PSPC1: variants seen among roughly 807,000 people sequenced by gnomAD.
The protein encoded by PSPC1 is paraspeckle component 1.
PSPC1 carries 14 observed loss-of-function variants against 51.6 expected under a neutral mutation model. The ratio of observed to expected loss-of-function variants is 0.27; its 90% CI spans 0.18 to 0.42. The LOEUF (loss-of-function observed/expected upper bound fraction) is 0.42, where lower values mean the gene tolerates loss of function less well. PSPC1 is among the 10% of genes least tolerant of loss of function. The probability of loss-of-function intolerance (pLI) is 1.00; values close to 1 mark genes in which losing one functional copy is unlikely to be tolerated. For missense variants in PSPC1, 406 were observed against 701.1 expected (o/e 0.58, Z 4.75); for synonymous variants, 193 against 231.9 (o/e 0.83, Z 1.53).
At chr13:19,708,296 G>A (rs561138473) in intron 7 of PSPC1, among the ~76,000 whole-genome samples, 22 of 152,312 alleles carry the variant, frequency 1.4e-4, no homozygotes, top group Admixed American at 4.6e-4. Flanking sequence ...GTAAATGGGT[G>A]TGCATGTTAA....
Position 19,735,806 on chromosome 13 carries a change from A to G in PSPC1, c.1053-5462T>C, listed in dbSNP as rs1170453894. Among the ~76,000 whole-genome samples, 3 of 151,634 alleles carry G rather than the reference A, an allele frequency of 2.0e-5. No individual in the cohort carries two copies. In the East Asian group the frequency reaches 5.8e-4, roughly 29 times the overall value. On this transcript the variant is annotated intron_variant, in intron 5 of 8. Coordinates refer to ENST00000338910, the MANE Select transcript of PSPC1 (RefSeq NM_001354909.2). ...ATCTTTTTTTCTTTCCTTTATACAT[A>G]CTGCAAAACTACTCAAAAAAAAAAT...
chr13:19,730,558 T>C (rs774068005), intron 5 of PSPC1, among the ~76,000 whole-genome samples: 1 of 152,036 alleles, frequency 6.6e-6, no homozygotes, highest in Non-Finnish European at 1.5e-5. Context: ...TTAGCTAAGG[T>C]AAACCAGAAA....
intron 7 of PSPC1, among the ~76,000 whole-genome samples, chr13:19,676,972 C>T (rs1168697932): frequency 2.0e-5 from 3 of 152,156 alleles, no homozygotes; most frequent in Non-Finnish European, 4.4e-5. Context: ...CAGTGGCTCA[C>T]GCCTCTAATC....
At chr13:19,706,959 A>T (rs756578023) in intron 7 of PSPC1, among the ~76,000 whole-genome samples, 1 of 152,208 alleles carries the variant, frequency 6.6e-6, no homozygotes, top group Middle Eastern at 3.2e-3. Context: ...GCTCTTGCCG[A>T]TAAACAGACT....
At chr13:19,747,407 C>G (rs943930555) in intron 4 of PSPC1, among the ~76,000 whole-genome samples, 4 of 152,132 alleles carry the variant, frequency 2.6e-5, no homozygotes, top group African/African-American at 9.7e-5. Flanking sequence ...TTACAGCTCA[C>G]TACAGCCTCA....
intron 2 of PSPC1, among the ~76,000 whole-genome samples, chr13:19,760,575 C>G (rs144926215): frequency 2.6e-5 from 4 of 151,456 alleles, no homozygotes; most frequent in Non-Finnish European, 5.9e-5. Context: ...TAAAACATTT[C>G]GGCGAAGTGG....
rs376745478 is a variant in PSPC1 at position 19,735,507 on chromosome 13, AT to A, written c.1053-5164del. Among the ~76,000 whole-genome samples the A allele has an allele frequency of 8.5e-5, 13 of 152,330 alleles. No individual in the cohort carries two copies. In the South Asian group the frequency reaches 2.5e-3, roughly 29 times the overall value. Reference sequence around the variant, plus strand: ...CAACCTCTGAAGAATTAAGTTACCTATGAAAAACTAAATAATTTATTTATAG... The same window carrying A: ...CAACCTCTGAAGAATTAAGTTACCTAGAAAAACTAAATAATTTATTTATAG... On this transcript the variant is annotated intron_variant, in intron 5 of 8. Transcript: ENST00000338910.
At chr13:19,734,628 C>T (rs1045688893) in intron 5 of PSPC1, among the ~76,000 whole-genome samples, 3 of 152,062 alleles carry the variant, frequency 2.0e-5, no homozygotes, top group Non-Finnish European at 2.9e-5. Context: ...ATGGTGAAAC[C>T]CTGTCTCTAC....
intron 6 of PSPC1, among the ~76,000 whole-genome samples, chr13:19,688,269 T>C (rs1878160060): frequency 6.6e-6 from 1 of 152,276 alleles, no homozygotes; most frequent in Middle Eastern, 3.4e-3. Flanking sequence ...TACCAAAGTA[T>C]ACCTAGCACT....
intron 5 of PSPC1, among the ~76,000 whole-genome samples, chr13:19,733,148 A>G (rs967351629): frequency 9.8e-5 from 15 of 152,310 alleles, no homozygotes; most frequent in African/African-American, 3.4e-4. Context: ...TATTTATAAA[A>G]GCAAAAGATC....
At chr13:19,762,943 TA>T (rs1887728232) in intron 2 of PSPC1, among the ~76,000 whole-genome samples, 1 of 151,712 alleles carries the variant, frequency 6.6e-6, no homozygotes, top group African/African-American at 2.4e-5. Flanking sequence ...CCGTCTCTAC[TA>T]AATACAAAAA....
chr13:19,754,631 G>C (rs764261060), intron 3 of PSPC1, among the ~76,000 whole-genome samples: 28 of 150,396 alleles, frequency 1.9e-4, no homozygotes, highest in Non-Finnish European at 3.4e-4. Context: ...GTAGAGACAG[G>C]GTTTCACCAT....
intron 6 of PSPC1, among the ~76,000 whole-genome samples, chr13:19,718,568 C>CT (rs774079725): frequency 6.6e-6 from 1 of 152,116 alleles, no homozygotes; most frequent in Non-Finnish European, 1.5e-5. Flanking sequence ...GCAAGACAGT[C>CT]TGGCAGTTTC....
intron 6 of PSPC1, 88 bp downstream of exon 6, chr13:19,730,151 C>T (rs1199201101): frequency 6.5e-6 from 7 of 1,070,104 alleles, no homozygotes; most frequent in Non-Finnish European, 9.9e-6. Flanking sequence ...GAAAAGACTA[C>T]TGTATAAACC....
chr13:19,710,462 G>C (rs1881251023), intron 6 of PSPC1, among the ~76,000 whole-genome samples: 1 of 152,082 alleles, frequency 6.6e-6, no homozygotes, highest in African/African-American at 2.4e-5. Flanking sequence ...GTTAAATGTA[G>C]CAATCATGAA....
At chr13:19,765,787 T>C (rs754948276) in intron 2 of PSPC1, among the ~76,000 whole-genome samples, 5 of 152,152 alleles carry the variant, frequency 3.3e-5, no homozygotes, top group African/African-American at 9.7e-5. Context: ...TTAGCACTGA[T>C]AGTATATCAA....
intron 5 of PSPC1, among the ~76,000 whole-genome samples, chr13:19,736,448 C>T (rs1364916833): frequency 6.6e-6 from 1 of 152,052 alleles, no homozygotes; most frequent in Non-Finnish European, 1.5e-5. Context: ...CTTTGGGAGG[C>T]CGAGGCGGGC....
chr13:19,730,032 C>G (rs1429894552), intron 6 of PSPC1, among the ~76,000 whole-genome samples: 1 of 152,054 alleles, frequency 6.6e-6, no homozygotes, highest in Non-Finnish European at 1.5e-5. Flanking sequence ...AAAAATATAA[C>G]ATCCACTTCA....
At chr13:19,717,852 G>T (rs1882302809) in intron 6 of PSPC1, among the ~76,000 whole-genome samples, 1 of 151,248 alleles carries the variant, frequency 6.6e-6, no homozygotes, top group South Asian at 2.1e-4. Context: ...CTCCAGCGTG[G>T]GCGACAGAGG....
Sources: gnomAD v4.1 joint callset for allele counts (sites outside exome capture counted in the v4.1 genomes callset) on GRCh38, gnomAD v4.1.1 for gene constraint, MANE v1.5 for transcripts, NCBI Gene and HGNC (gene_info 2026-07-23, HGNC 2026-07-21) for gene names.